Variants in SEMA6D observed in about 807,000 individuals in gnomAD.
SEMA6D encodes the protein semaphorin 6D.
Under a neutral mutation model 106.6 loss-of-function variants are expected in SEMA6D, and 35 were observed. The observed-to-expected ratio is 0.33, with a 90% CI of 0.25 to 0.44. The LOEUF (loss-of-function observed/expected upper bound fraction) is 0.44. Among genes scored for constraint, SEMA6D ranks in the 20% least tolerant of loss-of-function variants. The pLI is 1.00. For synonymous variants in SEMA6D, 499 were observed against 487.7 expected (o/e 1.02, Z -0.31); for missense variants, 1,185 against 1,345.9 (o/e 0.88, Z 1.87).
intron 1 of SEMA6D, among the ~76,000 whole-genome samples, chr15:47,392,196 G>A (rs1595891352): frequency 6.6e-6 from 1 of 152,240 alleles, no homozygotes; most frequent in South Asian, 2.1e-4. Context: ...TCTGAGGATG[G>A]CACATAACTA....
intron 2 of SEMA6D, among the ~76,000 whole-genome samples, chr15:47,447,149 G>C (rs1162519525): frequency 2.0e-5 from 3 of 152,118 alleles, no homozygotes; most frequent in Non-Finnish European, 4.4e-5. Flanking sequence ...TCCTGGCACT[G>C]TGCCCAGCCT....
At chr15:47,324,535 A>G (rs1299459959) in intron 1 of SEMA6D, among the ~76,000 whole-genome samples, 1 of 152,058 alleles carries the variant, frequency 6.6e-6, no homozygotes, top group African/African-American at 2.4e-5. Flanking sequence ...GGTAAGTTCT[A>G]AGATCGGTAG....
intron 7 of SEMA6D, among the ~76,000 whole-genome samples, chr15:47,761,995 A>C (rs2082083922): frequency 6.6e-6 from 1 of 152,146 alleles, no homozygotes; most frequent in Non-Finnish European, 1.5e-5. Context: ...AAGTTGCTTA[A>C]GTTTTTGATG....
chr15:47,370,405 C>T (rs2039224226), intron 1 of SEMA6D, among the ~76,000 whole-genome samples: 2 of 152,076 alleles, frequency 1.3e-5, no homozygotes, highest in South Asian at 2.1e-4. Flanking sequence ...GTCCCAGCTA[C>T]TCAGAAGGCT....
chr15:47,701,869 T>C (rs757432116), intron 4 of SEMA6D, among the ~76,000 whole-genome samples: 12 of 152,124 alleles, frequency 7.9e-5, no homozygotes, highest in Admixed American at 2.6e-4. Flanking sequence ...ACAATGAAGT[T>C]TGAGGGAAAC....
At chr15:47,511,764 G>A (rs1335874731) in intron 3 of SEMA6D, among the ~76,000 whole-genome samples, 1 of 152,080 alleles carries the variant, frequency 6.6e-6, no homozygotes, top group East Asian at 1.9e-4. Context: ...TGACTTTAAT[G>A]GTGAGGAGTC....
intron 1 of SEMA6D, among the ~76,000 whole-genome samples, chr15:47,217,557 G>A (rs1477753471): frequency 7.6e-6 from 1 of 131,938 alleles, no homozygotes; most frequent in African/African-American, 3.3e-5. Flanking sequence ...TACAAACCAC[G>A]CGTGCACGGG....
At position 47,528,799 on chromosome 15, in the gene SEMA6D, G is replaced by A. The variant is rs181146957; in HGVS notation, c.-87+58254G>A. Reference sequence around the variant, plus strand: ...CCTTTGAAAATACATACAGTTGACCGTTGACCTTTGATCAATTCAGGGGTA... The same window carrying A: ...CCTTTGAAAATACATACAGTTGACCATTGACCTTTGATCAATTCAGGGGTA... On this transcript the variant is annotated intron_variant, in intron 3 of 19. Coordinates refer to the SEMA6D transcript ENST00000558014. 3.9e-4 allele frequency among the ~76,000 whole-genome samples: 60 copies of A among 152,270 alleles called. 1 individual carries two copies. The East Asian group carries it at 8.3e-3, about 21-fold the overall frequency.
At chr15:47,568,957 A>G (rs1176411956) in intron 3 of SEMA6D, among the ~76,000 whole-genome samples, 1 of 152,154 alleles carries the variant, frequency 6.6e-6, no homozygotes, top group African/African-American at 2.4e-5. Context: ...GCAGTTTTCA[A>G]ACTGTGCTCT....
intron 3 of SEMA6D, among the ~76,000 whole-genome samples, chr15:47,478,884 T>C (rs978807816): frequency 6.6e-6 from 1 of 152,114 alleles, no homozygotes; most frequent in African/African-American, 2.4e-5. Flanking sequence ...AGGCACATCT[T>C]ACATGGAGGC....
At chr15:47,685,091 A>G (rs1280598042) in intron 4 of SEMA6D, among the ~76,000 whole-genome samples, 1 of 152,234 alleles carries the variant, frequency 6.6e-6, no homozygotes, top group Non-Finnish European at 1.5e-5. Context: ...GTCCTCTTCA[A>G]ATGTTTCCAC....
At chr15:47,306,226 G>A (rs1183237940) in intron 1 of SEMA6D, among the ~76,000 whole-genome samples, 1 of 151,824 alleles carries the variant, frequency 6.6e-6, no homozygotes, top group Non-Finnish European at 1.5e-5. Context: ...CTTGTGATCT[G>A]CCCACCTCGG....
chr15:47,254,498 T>C (rs996763852), intron 1 of SEMA6D, among the ~76,000 whole-genome samples: 1 of 152,010 alleles, frequency 6.6e-6, no homozygotes, highest in Non-Finnish European at 1.5e-5. Context: ...GACATCCTCA[T>C]CTTGTTCTAG....
rs570889559 is a variant in SEMA6D, at chr15:47,332,270, C to T, written c.-238-80123C>T. 3.3e-5 allele frequency among the ~76,000 whole-genome samples: 5 copies of T among 152,252 alleles called. No homozygotes were observed. In the South Asian group the frequency reaches 1.0e-3, roughly 32 times the overall value. ...AATTGGTTTGTGCATATTTATGTGA[C>T]CTTGAGTGGAGATCAGAAAATGCTT... On this transcript the variant is annotated intron_variant, in intron 1 of 19. Transcript: ENST00000558014.
intron 1 of SEMA6D, among the ~76,000 whole-genome samples, chr15:47,262,487 C>G (rs1303454418): frequency 1.3e-5 from 2 of 151,914 alleles, no homozygotes; most frequent in Non-Finnish European, 2.9e-5. Context: ...AAGGGGGAAG[C>G]CTCTTATAAA....
chr15:47,263,812 A>T (rs2034189100), intron 1 of SEMA6D, among the ~76,000 whole-genome samples: 1 of 151,006 alleles, frequency 6.6e-6, no homozygotes, highest in African/African-American at 2.4e-5. Context: ...TTTGTCATTG[A>T]TGGGCATTAA....
chr15:47,456,420 AT>A (rs768387774), intron 2 of SEMA6D, among the ~76,000 whole-genome samples: 24 of 152,168 alleles, frequency 1.6e-4, no homozygotes, highest in Admixed American at 5.9e-4. Flanking sequence ...CACCAAAAAA[AT>A]ATTTTAATAT....
intron 4 of SEMA6D, among the ~76,000 whole-genome samples, chr15:47,610,935 T>C (rs2076887036): frequency 6.6e-6 from 1 of 152,158 alleles, no homozygotes; most frequent in Admixed American, 6.5e-5. Flanking sequence ...TATATGGCAG[T>C]TAAAAAGATT....
At chr15:47,476,400 G>A (rs1191497927) in intron 3 of SEMA6D, among the ~76,000 whole-genome samples, 1 of 152,118 alleles carries the variant, frequency 6.6e-6, no homozygotes, top group Non-Finnish European at 1.5e-5. Flanking sequence ...CATTTTATGT[G>A]TGTGAAGCAT....
Sources: gnomAD v4.1 joint callset for allele counts (sites outside exome capture counted in the v4.1 genomes callset) on GRCh38, gnomAD v4.1.1 for gene constraint, MANE v1.5 for transcripts, NCBI Gene and HGNC (gene_info 2026-07-23, HGNC 2026-07-21) for gene names.